Variants in HEATR5B observed in about 807,000 individuals in gnomAD.
HEATR5B encodes HEAT repeat-containing protein 5B.
HEATR5B carries 156 observed loss-of-function variants against 224.1 expected under a neutral mutation model. The observed-to-expected ratio is 0.70, with a 90% CI of 0.61 to 0.80. The LOEUF (loss-of-function observed/expected upper bound fraction) is 0.80, where lower values mean the gene tolerates loss of function less well. HEATR5B is among the 30% of genes least tolerant of loss of function. The probability of loss-of-function intolerance (pLI) is 0.00; values close to 1 mark genes in which losing one functional copy is unlikely to be tolerated. For missense variants in HEATR5B, 2,323 were observed against 2,535.5 expected (o/e 0.92, Z 1.80); for synonymous variants, 1,027 against 893.0 (o/e 1.15, Z -2.68).
chr2:37,033,961 A>G (rs1025376988), intron 21 of HEATR5B, among the ~76,000 whole-genome samples: 2 of 152,200 alleles, frequency 1.3e-5, no homozygotes, highest in African/African-American at 4.8e-5. Context: ...CAAGCAAGGA[A>G]GTAATCTTTT....
At chr2:37,051,594 T>A (rs982150231) in intron 17 of HEATR5B, among the ~76,000 whole-genome samples, 1 of 152,272 alleles carries the variant, frequency 6.6e-6, no homozygotes, top group East Asian at 1.9e-4. Context: ...ATATTACAGT[T>A]GGTTCACTAC....
chr2:36,997,261 T>C (rs1457792393), intron 33 of HEATR5B, among the ~76,000 whole-genome samples: 1 of 152,112 alleles, frequency 6.6e-6, no homozygotes, highest in East Asian at 1.9e-4. Flanking sequence ...CATGGCTCAC[T>C]GCAGGCTTGA....
Position 37,005,706 on chromosome 2 carries a change from CA to C in HEATR5B, c.4830del (p.His1610GlnfsTer13), listed in dbSNP as rs764198359. The C allele has an allele frequency of 6.2e-7, 1 of 1,611,794 alleles. No individual in the cohort carries two copies. The highest frequency in any genetic ancestry group is 1.7e-5 in the Admixed American group (1 of 59,836). On this transcript the variant is annotated frameshift_variant, in exon 30 of 36. Coordinates refer to ENST00000233099, the MANE Select transcript of HEATR5B (RefSeq NM_019024.3). LOFTEE classifies it high-confidence loss of function. ...TGTAAGGCCTGCAGGCATGCTGTAA[CA>C]TGTTCAATGGGCTCCTCAGGTCTAG... is the stretch of plus-strand genomic sequence containing the variant. ...CSPRPEEPIE[H>X]VTACLQALHT...
intron 5 of HEATR5B, among the ~76,000 whole-genome samples, chr2:37,072,981 A>G (rs1671997016): frequency 6.6e-6 from 1 of 152,194 alleles, no homozygotes; most frequent in Non-Finnish European, 1.5e-5. Flanking sequence ...CTTTCCCTCA[A>G]AAAAACTCTA....
Position 37,037,749 on chromosome 2 carries a change from A to G in HEATR5B, c.3216+106T>C, listed in dbSNP as rs1669589629. ...CTGTAGGCTTGCATCAAAATACCCC[A>G]AGTACCCCAAAAATATATATAGCTA... On this transcript the variant is annotated intron_variant, in intron 21 of 35. Coordinates refer to ENST00000233099, the MANE Select transcript of HEATR5B (RefSeq NM_019024.3). 3 of 697,550 alleles carry G rather than the reference A, an allele frequency of 4.3e-6. No individual in the cohort carries two copies. In the Admixed American group the frequency reaches 1.2e-4, roughly 28 times the overall value. The allele number at this position is 697,550 out of a possible 1,614,324, so 43.2% of individuals were successfully genotyped here.
At chr2:37,022,725 T>C (rs1216010186) in intron 24 of HEATR5B, among the ~76,000 whole-genome samples, 1 of 152,202 alleles carries the variant, frequency 6.6e-6, no homozygotes, top group African/African-American at 2.4e-5. Flanking sequence ...AGGGAAATGT[T>C]TTTCCTTTTA....
At chr2:37,010,772 C>A (rs1288870413) in intron 27 of HEATR5B, among the ~76,000 whole-genome samples, 1 of 151,990 alleles carries the variant, frequency 6.6e-6, no homozygotes, top group Non-Finnish European at 1.5e-5. Flanking sequence ...TCTCAGCCTC[C>A]CCAAGTGCCC....
chr2:37,029,832 G>C (rs1038656481), intron 22 of HEATR5B, among the ~76,000 whole-genome samples: 2 of 151,606 alleles, frequency 1.3e-5, no homozygotes, highest in African/African-American at 2.4e-5. Flanking sequence ...CGAGCCACTC[G>C]GGAGGCTGAG....
intron 21 of HEATR5B, among the ~76,000 whole-genome samples, chr2:37,036,634 C>G (rs1393776534): frequency 6.6e-6 from 1 of 152,002 alleles, no homozygotes; most frequent in South Asian, 2.1e-4. Flanking sequence ...GCTTCAGCCT[C>G]CCGAGTAGCT....
chr2:37,006,406 C>G (rs1169302520), intron 29 of HEATR5B, among the ~76,000 whole-genome samples: 1 of 152,218 alleles, frequency 6.6e-6, no homozygotes, highest in African/African-American at 2.4e-5. Flanking sequence ...CAGCACCCAG[C>G]CGAGGTGGGT....
In HEATR5B at chr2:37,061,638, T is replaced by C. The variant is rs185542347; in HGVS notation, c.1696+301A>G. Among the ~76,000 whole-genome samples, 31 of 152,328 alleles carry C rather than the reference T, an allele frequency of 2.0e-4. No homozygotes were observed. In the East Asian group the frequency reaches 3.5e-3, roughly 17 times the overall value. On this transcript the variant is annotated intron_variant, in intron 11 of 35. Transcript: ENST00000233099. ...TAAAATCACACTGCTGGTTTTCACT[T>C]AGGGTATGAAATTTTCCCTCATATT...
chr2:37,005,786 T>G (rs369798714), intron 29 of HEATR5B, 27 bp from the exon 30 acceptor site: 234,559 of 1,533,956 alleles, frequency 0.15, 19,533 homozygotes, highest in Non-Finnish European at 0.17. Flanking sequence ...AAAAACATGT[T>G]TTTTCACTTA....
intron 5 of HEATR5B, 76 bp from the exon 6 acceptor site, chr2:37,072,357 T>C (rs1671957468): frequency 9.9e-7 from 1 of 1,014,700 alleles, no homozygotes; most frequent in Non-Finnish European, 1.5e-6. Flanking sequence ...GAACCAGACT[T>C]ACCACCTCTC....
At chr2:37,014,970 T>C (rs1325539033) in intron 26 of HEATR5B, among the ~76,000 whole-genome samples, 1 of 150,810 alleles carries the variant, frequency 6.6e-6, no homozygotes, top group Non-Finnish European at 1.5e-5. Context: ...CGAGACTTTG[T>C]CTCAAAAGAA....
chr2:37,006,144 CAAGTTA>C (rs1252155703), intron 29 of HEATR5B, among the ~76,000 whole-genome samples: 1 of 152,074 alleles, frequency 6.6e-6, no homozygotes, highest in Non-Finnish European at 1.5e-5. Context: ...TTTTAAATGG[CAAGTTA>C]TAGAGGCACA....
intron 35 of HEATR5B, among the ~76,000 whole-genome samples, chr2:36,987,886 A>C (rs887517834): frequency 4.6e-5 from 7 of 152,118 alleles, no homozygotes; most frequent in Admixed American, 1.3e-4. Flanking sequence ...AACCTGGGCA[A>C]CATGGCAAAA....
At chr2:37,036,071 T>C (rs1015629058) in intron 21 of HEATR5B, among the ~76,000 whole-genome samples, 4 of 152,176 alleles carry the variant, frequency 2.6e-5, no homozygotes, top group Admixed American at 2.6e-4. Context: ...ATTCTCTTAC[T>C]AACTTAGAGC....
intron 19 of HEATR5B, 57 bp from the exon 20 acceptor site, chr2:37,040,575 T>C: frequency 7.6e-7 from 1 of 1,311,742 alleles, no homozygotes; most frequent in Admixed American, 2.2e-5. Flanking sequence ...TGTACTGAAT[T>C]GAGTATACTG....
intron 28 of HEATR5B, chr2:37,008,359 T>C (rs1558723660): frequency 1.9e-6 from 1 of 524,422 alleles, no homozygotes; most frequent in Non-Finnish European, 3.4e-6. Flanking sequence ...CTATTTAGAA[T>C]ACCCTAGCTC....
Sources: allele counts gnomAD v4.1 joint callset (sites outside exome capture counted in the v4.1 genomes callset), GRCh38; gene constraint gnomAD v4.1.1; transcripts MANE v1.5; gene names NCBI Gene and HGNC (gene_info 2026-07-23, HGNC 2026-07-21).